The following MTUS1 variants were observed in gnomAD, a reference collection of about 807,000 sequenced individuals.
MTUS1 encodes microtubule associated scaffold protein 1, also known as microtubule-associated tumor suppressor 1.
MTUS1 carries 109 observed loss-of-function variants against 120.8 expected under a neutral mutation model. The ratio of observed to expected loss-of-function variants is 0.90; its 90% CI spans 0.77 to 1.06. MTUS1 has a LOEUF of 1.06. Ranked by LOEUF, MTUS1 falls within the 50% of genes least tolerant of loss-of-function variation. MTUS1 has a pLI of 0.00. For missense variants in MTUS1, 2,210 were observed against 1,486.3 expected, an observed-to-expected ratio of 1.49 and a Z score of -8.01; for synonymous variants, 737 against 550.5, an observed-to-expected ratio of 1.34 and a Z score of -4.74.
At chr8:17,728,429 C>A (rs1203657868) in intron 3 of MTUS1, among the ~76,000 whole-genome samples, 2 of 152,192 alleles carry the variant, frequency 1.3e-5, no homozygotes, top group African/African-American at 2.4e-5. Context: ...TAATAAAAAT[C>A]TGGACAATAG....
rs1258857831 is a variant in MTUS1, at chr8:17,684,463, T to C, written c.2703A>G (p.Lys901=). 1.9e-6 allele frequency: 3 copies of C among 1,614,210 alleles called. No homozygotes were observed. The highest frequency in any genetic ancestry group is 2.5e-6 in the Non-Finnish European group (3 of 1,180,022). The change falls in exon 7 of 15, where the codon AAA becomes AAG. Residue 901 remains lysine (K), a synonymous_variant. Coordinates refer to ENST00000693296, the MANE Select transcript of MTUS1 (RefSeq NM_001363059.2). ...QTAPDALPPE[K]TLELTQYKTK... ...TTTTATATTGCGTCAATTCAAGTGT[T>C]TTCTCAGGGGGCAGCGCATCGGGAG... is the stretch of plus-strand genomic sequence containing the variant.
chr8:17,748,962 C>T (rs1586145793), intron 2 of MTUS1, among the ~76,000 whole-genome samples: 1 of 152,182 alleles, frequency 6.6e-6, no homozygotes, highest in East Asian at 1.9e-4. Flanking sequence ...CACCAAACTA[C>T]AATTTGCAAT....
At chr8:17,652,291 G>A (rs935830293) in intron 12 of MTUS1, among the ~76,000 whole-genome samples, 1 of 152,054 alleles carries the variant, frequency 6.6e-6, no homozygotes, top group African/African-American at 2.4e-5. Context: ...TCCATACGGC[G>A]AAATATTATT....
intron 1 of MTUS1, among the ~76,000 whole-genome samples, chr8:17,774,509 C>G (rs2050260900): frequency 6.6e-6 from 1 of 152,148 alleles, no homozygotes; most frequent in Non-Finnish European, 1.5e-5. Flanking sequence ...AGAAGATGCT[C>G]AACATCATTA....
chr8:17,668,035 T>C (rs1585537970), intron 8 of MTUS1, among the ~76,000 whole-genome samples: 2 of 152,298 alleles, frequency 1.3e-5, no homozygotes, highest in African/African-American at 4.8e-5. Flanking sequence ...TCAGGACTAA[T>C]GTATAAAAAG....
rs775316492 is a variant in MTUS1 at position 17,656,015 on chromosome 8, G to C, written c.2956C>G (p.Gln986Glu). The change falls in exon 9 of 15, where the codon CAA (glutamine) becomes GAA (glutamate). Residue 986 changes from glutamine (Q) to glutamate (E), a missense_variant. Gln to Glu is a conservative substitution (Grantham distance 29, BLOSUM62 2). Transcript: ENST00000693296. ...EKLEKARNEL[Q>E]TVYEAFVQQH... ...TGGACGAATGCTTCATACACTGTTT[G>C]TAACTCATTCCTGGCTTTTTCTAAT... 22 of 1,614,048 alleles carry C rather than the reference G, an allele frequency of 1.4e-5. No homozygotes were observed. The highest frequency in any genetic ancestry group is 2.5e-6 in the Non-Finnish European group (3 of 1,180,034).
intron 3 of MTUS1, among the ~76,000 whole-genome samples, chr8:17,726,598 C>T (rs1021816034): frequency 2.0e-5 from 3 of 152,160 alleles, no homozygotes; most frequent in Admixed American, 2.0e-4. Context: ...GTGCTTAACC[C>T]ATTTTTACAA....
At chr8:17,791,635 C>G (rs896966746) in intron 1 of MTUS1, among the ~76,000 whole-genome samples, 2 of 152,156 alleles carry the variant, frequency 1.3e-5, no homozygotes, top group Admixed American at 6.5e-5. Context: ...CTTAAACTTT[C>G]AAGAAAAACA....
At chr8:17,650,911 G>C (rs1806841534) in intron 12 of MTUS1, among the ~76,000 whole-genome samples, 2 of 152,202 alleles carry the variant, frequency 1.3e-5, no homozygotes, top group South Asian at 2.1e-4. Context: ...TCTTAGGTAA[G>C]AGTCGGTGGT....
chr8:17,780,023 G>A (rs2050750165), intron 1 of MTUS1, among the ~76,000 whole-genome samples: 1 of 152,168 alleles, frequency 6.6e-6, no homozygotes, highest in African/African-American at 2.4e-5. Flanking sequence ...CCCAGTGGTT[G>A]AGGTGGGGCC....
intron 1 of MTUS1, among the ~76,000 whole-genome samples, chr8:17,791,086 G>C (rs939646162): frequency 6.6e-6 from 1 of 152,176 alleles, no homozygotes; most frequent in African/African-American, 2.4e-5. Flanking sequence ...TCAAATAACA[G>C]CATCATACTG....
intron 3 of MTUS1, among the ~76,000 whole-genome samples, chr8:17,737,565 T>A (rs562037303): frequency 6.6e-6 from 1 of 152,332 alleles, no homozygotes; most frequent in Admixed American, 6.5e-5. Flanking sequence ...TATAGCTCAC[T>A]GAACCCTCAA....
chr8:17,714,205 A>C (rs1261182171), intron 5 of MTUS1, among the ~76,000 whole-genome samples: 7 of 152,184 alleles, frequency 4.6e-5, no homozygotes, highest in Admixed American at 2.6e-4. Context: ...CCTGCTGCAC[A>C]CTGAAGAATT....
At position 17,754,450 on chromosome 8, in the gene MTUS1, T is replaced by A. The variant is rs17690844; in HGVS notation, c.1358A>T (p.Lys453Ile). The A allele has an allele frequency of 6.2e-7, 1 of 1,614,184 alleles. No individual in the cohort carries two copies. Among genetic ancestry groups the A allele is most frequent in the African/African-American group, 1.3e-5 (1 of 75,024 alleles). ...AAGCCCTCGATTACCCTTCTCCACTTTCTTACATTTCTCCGTCGCTTCAAT... is the reference window on the plus strand; with the variant it reads ...AAGCCCTCGATTACCCTTCTCCACTATCTTACATTTCTCCGTCGCTTCAAT... ...SPIEATEKCK[K>I]VEKGNRGLKN... Residue 453 changes from lysine to isoleucine, a missense_variant, in exon 2 of 15, where the codon AAA (lysine) becomes ATA (isoleucine). Transcript: ENST00000693296.
chr8:17,755,362 G>A lies in MTUS1; in HGVS notation c.446C>T (p.Ala149Val), dbSNP rs774632691. Reference sequence around the variant, plus strand: ...TAGCTCCAAGGCATCACAGTAGCCTGCACAGTTCAAATTGTCATTAGGCTT... The same window carrying A: ...TAGCTCCAAGGCATCACAGTAGCCTACACAGTTCAAATTGTCATTAGGCTT... ...VWKPNDNLNCAGYCDALELNQ... is the reference protein window; with the variant it reads ...VWKPNDNLNCVGYCDALELNQ... The change falls in exon 2 of 15, where the codon GCA becomes GTA. Residue 149 changes from alanine to valine, a missense_variant. Transcript: ENST00000693296. The A allele has an allele frequency of 1.9e-6, 3 of 1,614,164 alleles. No homozygotes were observed. Among genetic ancestry groups the A allele is most frequent in the South Asian group, 2.2e-5 (2 of 91,080 alleles).
intron 6 of MTUS1, among the ~76,000 whole-genome samples, chr8:17,694,273 G>T (rs1316911549): frequency 6.6e-6 from 1 of 152,174 alleles, no homozygotes; most frequent in East Asian, 1.9e-4. Context: ...CTGGACTAGG[G>T]TAATGGCAGG....
rs772919226 is a variant in MTUS1 at position 17,755,077 on chromosome 8, G to C, written c.731C>G (p.Thr244Arg). The C allele has an allele frequency of 3.7e-6, 6 of 1,613,772 alleles. No homozygotes were observed. The highest frequency in any genetic ancestry group is 5.1e-6 in the Non-Finnish European group (6 of 1,180,034). ...TPSEAQDMTY[T>R]AFSDVVMQSE... ...TTGCATCACCACATCAGAAAATGCT[G>C]TGTAAGTCATGTCTTGGGCTTCTGA... The change falls in exon 2 of 15, where the codon ACA (threonine) becomes AGA (arginine). Residue 244 changes from threonine (T) to arginine (R), a missense_variant. Transcript: ENST00000693296.
At chr8:17,668,927 G>C (rs921468333) in intron 8 of MTUS1, among the ~76,000 whole-genome samples, 1 of 152,160 alleles carries the variant, frequency 6.6e-6, no homozygotes, top group African/African-American at 2.4e-5. Context: ...AAAAACATTT[G>C]TGCATAAAAA....
intron 7 of MTUS1, among the ~76,000 whole-genome samples, chr8:17,682,178 G>T (rs962084240): frequency 2.6e-5 from 4 of 152,106 alleles, no homozygotes; most frequent in Non-Finnish European, 4.4e-5. Context: ...GCTTGGGATG[G>T]ATTATAGGTG....
Sources: gnomAD v4.1 joint callset for allele counts (sites outside exome capture counted in the v4.1 genomes callset) on GRCh38, gnomAD v4.1.1 for gene constraint, MANE v1.5 for transcripts, NCBI Gene and HGNC (gene_info 2026-07-23, HGNC 2026-07-21) for gene names.